The following GPR27 variants were observed in gnomAD, a reference collection of about 807,000 sequenced individuals.
GPR27 encodes G protein-coupled receptor 27, also known as probable G protein-coupled receptor 27.
A neutral mutation model predicts 2.4 loss-of-function variants in GPR27; 3 were observed. The observed-to-expected ratio is 1.23, with a 90% CI of 0.56 to 3.18. The LOEUF (loss-of-function observed/expected upper bound fraction) is 3.18. Ranked by LOEUF, GPR27 falls within the 30% of genes most tolerant of loss-of-function variation. The probability of loss-of-function intolerance (pLI) is 0.03; values close to 1 mark genes in which losing one functional copy is unlikely to be tolerated. For missense variants in GPR27, 526 were observed against 566.1 expected (o/e 0.93, Z 0.72); for synonymous variants, 367 against 296.4 (o/e 1.24, Z -2.45).
At position 71,754,973 on chromosome 3, in the gene GPR27, C is replaced by G; in HGVS notation, c.924C>G (p.Val308=). ...GPYVVASYLR[V]LVRPGAVPQA... ...ACGTCGTGGCCAGCTACCTGCGGGT[C>G]CTGGTGCGGCCCGGCGCCGTCCCCC... Residue 308 remains valine (V), a synonymous_variant, in exon 1 of 1, where the codon GTC becomes GTG. Coordinates refer to ENST00000304411, the MANE Select transcript of GPR27 (RefSeq NM_018971.3). The surrounding 1 kb of genome is among the most constrained non-coding windows in gnomAD (Gnocchi z 5.8). 6.2e-7 allele frequency: 1 copy of G among 1,613,360 alleles called. No homozygotes were observed. Among genetic ancestry groups the G allele is most frequent in the Non-Finnish European group, 8.5e-7 (1 of 1,179,880 alleles).
In GPR27 at chr3:71,754,616, G is replaced by A; in HGVS notation, c.567G>A (p.Leu189=). The A allele has an allele frequency of 6.9e-7, 1 of 1,455,502 alleles. No individual in the cohort carries two copies. 90.2% of individuals were successfully genotyped at this position (1,455,502 alleles called of 1,614,324 possible). A position where few individuals can be genotyped will look rare whatever the true frequency, so the allele number is the denominator to read the frequency against. The change falls in exon 1 of 1, where the codon CTG becomes CTA. Residue 189 remains leucine (L), a synonymous_variant. Transcript: ENST00000304411. The surrounding 1 kb of genome is among the most constrained non-coding windows in gnomAD (Gnocchi z 5.8). Reference sequence around the variant, plus strand: ...CCGGCGCGCTGGGCTTCCTGCTGCTGCTGGCCGTGGTGGTGGGCGCCACGC... The same window carrying A: ...CCGGCGCGCTGGGCTTCCTGCTGCTACTGGCCGTGGTGGTGGGCGCCACGC... The part of the protein sequence containing the change: ...GAPGALGFLL[L]LAVVVGATHL...
rs754617936 is a variant in GPR27 at position 71,754,656 on chromosome 3, C to T, written c.607C>T (p.Arg203Cys). ...VVGATHLVYL[R>C]LLFFIHDRRK... is the part of the protein sequence containing the mutation. ...GGGCGCCACGCACCTCGTCTACCTC[C>T]GCCTGCTCTTCTTCATCCACGACCG... is the stretch of plus-strand genomic sequence containing the variant. The change falls in exon 1 of 1, where the codon CGC becomes TGC. Residue 203 changes from arginine (R) to cysteine (C), a missense_variant. Physicochemically the swap from Arg to Cys is radical, Grantham distance 180. This residue lies in a region of GPR27 where 312 missense variants were observed against 318.4 expected (regional missense o/e 0.98). Transcript: ENST00000304411. The surrounding 1 kb of genome is among the most constrained non-coding windows in gnomAD (Gnocchi z 5.8). 5 of 1,502,128 alleles carry T rather than the reference C, an allele frequency of 3.3e-6. No individual in the cohort carries two copies. Among genetic ancestry groups the T allele is most frequent in the South Asian group, 1.2e-5 (1 of 82,716 alleles). 93.0% of individuals were successfully genotyped at this position (1,502,128 alleles called of 1,614,324 possible). A position where few individuals can be genotyped will look rare whatever the true frequency, so the allele number is the denominator to read the frequency against.
Position 71,754,604 on chromosome 3 carries a change from C to T in GPR27, c.555C>T (p.Gly185=), listed in dbSNP as rs1420752351. 9 of 1,444,200 alleles carry T rather than the reference C, an allele frequency of 6.2e-6. No individual in the cohort carries two copies. Among genetic ancestry groups the T allele is most frequent in the African/African-American group, 4.5e-5 (3 of 67,178 alleles). 89.5% of individuals were successfully genotyped at this position (1,444,200 alleles called of 1,614,324 possible). A position where few individuals can be genotyped will look rare whatever the true frequency, so the allele number is the denominator to read the frequency against. Residue 185 remains glycine, a synonymous_variant, in exon 1 of 1, where the codon GGC becomes GGT. Transcript: ENST00000304411. This position sits in a 1 kb window ranked among gnomAD's most constrained non-coding sequence, Gnocchi z 5.8. ...CCGACGGCGCCCCCGGCGCGCTGGG[C>T]TTCCTGCTGCTGCTGGCCGTGGTGG... ...QRPDGAPGAL[G]FLLLLAVVVG... is the part of the protein sequence containing the mutation.
chr3:71,754,181 GC>G lies in GPR27; in HGVS notation c.133del (p.Arg45GlyfsTer276). 6.9e-7 allele frequency: 1 copy of G among 1,442,640 alleles called. No individual in the cohort carries two copies. Among genetic ancestry groups the G allele is most frequent in the Non-Finnish European group, 9.2e-7 (1 of 1,086,656 alleles). 89.4% of individuals were successfully genotyped at this position (1,442,640 alleles called of 1,614,324 possible). A position where few individuals can be genotyped will look rare whatever the true frequency, so the allele number is the denominator to read the frequency against. On this transcript the variant is annotated frameshift_variant, in exon 1 of 1. Coordinates refer to ENST00000304411, the MANE Select transcript of GPR27 (RefSeq NM_018971.3). LOFTEE classifies it low-confidence loss of function (END_TRUNC). The surrounding 1 kb of genome is among the most constrained non-coding windows in gnomAD (Gnocchi z 5.8). ...ACGTGCTGTTCGCGCTGCTGATCGT[GC>G]GGGAGCGCAGCCTGCACCGCGCCCC... is the stretch of plus-strand genomic sequence containing the variant. ...GNVLFALLIV[R>X]ERSLHRAPYY...
rs2049985207 is a variant in GPR27 at position 71,754,831 on chromosome 3, C to T, written c.782C>T (p.Ala261Val). 6 of 1,568,944 alleles carry T rather than the reference C, an allele frequency of 3.8e-6. No homozygotes were observed. The highest frequency in any genetic ancestry group is 1.4e-5 in the African/African-American group (1 of 73,288). The change falls in exon 1 of 1, where the codon GCA becomes GTA. Residue 261 changes from alanine (A) to valine (V), a missense_variant. Physicochemically the swap from Ala to Val is moderately conservative, Grantham distance 64. Coordinates refer to ENST00000304411, the MANE Select transcript of GPR27 (RefSeq NM_018971.3). The surrounding 1 kb of genome is among the most constrained non-coding windows in gnomAD (Gnocchi z 5.8). ...TPPALVGIRP[A>V]GPGRGARRLL... ...CCCGCGCTTGTGGGCATCCGGCCCG[C>T]AGGGCCGGGCCGCGGCGCGCGCCGC...
At position 71,754,444 on chromosome 3, in the gene GPR27, A is replaced by G; in HGVS notation, c.395A>G (p.Glu132Gly). The G allele has an allele frequency of 7.4e-7, 1 of 1,344,296 alleles. No individual in the cohort carries two copies. The highest frequency in any genetic ancestry group is 9.6e-7 in the Non-Finnish European group (1 of 1,041,994). The allele number at this position is 1,344,296 out of a possible 1,614,324, so 83.3% of individuals were successfully genotyped here. ...LAIAHHRFYAERLAGWPCAAM... is the reference protein window; with the variant it reads ...LAIAHHRFYAGRLAGWPCAAM... ...ATCGCGCACCACCGCTTCTATGCAG[A>G]GCGCCTGGCCGGCTGGCCGTGCGCC... is the stretch of plus-strand genomic sequence containing the variant. Residue 132 changes from glutamate to glycine, a missense_variant, in exon 1 of 1, where the codon GAG (glutamate) becomes GGG (glycine). By Grantham distance (98) the Glu-to-Gly change is moderately conservative. Coordinates refer to ENST00000304411, the MANE Select transcript of GPR27 (RefSeq NM_018971.3). This position sits in a 1 kb window ranked among gnomAD's most constrained non-coding sequence, Gnocchi z 5.8.
At position 71,756,350 on chromosome 3, in the gene GPR27, G is replaced by A. The variant is rs1273048797; in HGVS notation, c.*1173G>A. On this transcript the variant is annotated 3_prime_UTR_variant, in exon 1 of 1. Transcript: ENST00000304411. ...ATATTTCTTTGTTAGACATTATAAT[G>A]TTAAACTGAAAGACTAAATTCTGCA... is the stretch of plus-strand genomic sequence containing the variant. 6.6e-6 allele frequency: 1 copy of A among 152,196 alleles called. No homozygotes were observed. The highest frequency in any genetic ancestry group is 1.5e-5 in the Non-Finnish European group (1 of 68,040). 9.4% of individuals were successfully genotyped at this position (152,196 alleles called of 1,614,324 possible). A position where few individuals can be genotyped will look rare whatever the true frequency, so the allele number is the denominator to read the frequency against.
In GPR27 at chr3:71,756,042, G is replaced by GA. The variant is rs1282517738; in HGVS notation, c.*867dup. On this transcript the variant is annotated 3_prime_UTR_variant, in exon 1 of 1. Transcript: ENST00000304411. Reference sequence around the variant, plus strand: ...GGTTCGAGGATTGGGAGGGCTCTGAGAAGCAGAGTACTACATCAAAATTGT... The same window carrying GA: ...GGTTCGAGGATTGGGAGGGCTCTGAGAAAGCAGAGTACTACATCAAAATTGT... The GA allele has an allele frequency of 1.3e-5, 2 of 152,220 alleles. No homozygotes were observed. The highest frequency in any genetic ancestry group is 4.8e-5 in the African/African-American group (2 of 41,454). 9.4% of individuals were successfully genotyped at this position (152,220 alleles called of 1,614,324 possible).
chr3:71,755,375 C>T lies in GPR27; in HGVS notation c.*198C>T, dbSNP rs377209199. ...GTAGGATGCTCAGCCCACTCCAGCT[C>T]CGCACATTCGTCCTCCTAACTCGAC... On this transcript the variant is annotated 3_prime_UTR_variant, in exon 1 of 1. Coordinates refer to ENST00000304411, the MANE Select transcript of GPR27 (RefSeq NM_018971.3). 1 of 579,424 alleles carries T rather than the reference C, an allele frequency of 1.7e-6. No homozygotes were observed. Among genetic ancestry groups the T allele is most frequent in the South Asian group, 2.3e-5 (1 of 44,102 alleles). The allele number at this position is 579,424 out of a possible 1,614,324, so 35.9% of individuals were successfully genotyped here. A position where few individuals can be genotyped will look rare whatever the true frequency, so the allele number is the denominator to read the frequency against.
In GPR27 at chr3:71,754,877, C is replaced by G. The variant is rs139136067; in HGVS notation, c.828C>G (p.Phe276Leu). The change falls in exon 1 of 1, where the codon TTC (phenylalanine) becomes TTG (leucine). Residue 276 changes from phenylalanine to leucine, a missense_variant. Transcript: ENST00000304411. The surrounding 1 kb of genome is among the most constrained non-coding windows in gnomAD (Gnocchi z 5.8). Reference sequence around the variant, plus strand: ...GCCGCCTCCTCGTGCTGGAAGAATTCAAGACGGAGAAGAGGCTGTGCAAGA... The same window carrying G: ...GCCGCCTCCTCGTGCTGGAAGAATTGAAGACGGAGAAGAGGCTGTGCAAGA... ...GARRLLVLEEFKTEKRLCKMF... is the reference protein window; with the variant it reads ...GARRLLVLEELKTEKRLCKMF... 1.1e-5 allele frequency: 17 copies of G among 1,500,430 alleles called. No individual in the cohort carries two copies. The highest frequency in any genetic ancestry group is 1.5e-5 in the Non-Finnish European group (17 of 1,105,730). 92.9% of individuals were successfully genotyped at this position (1,500,430 alleles called of 1,614,324 possible).
At position 71,754,164 on chromosome 3, in the gene GPR27, T is replaced by C. The variant is rs1412822223; in HGVS notation, c.115T>C (p.Phe39Leu). 2 of 1,455,740 alleles carry C rather than the reference T, an allele frequency of 1.4e-6. No individual in the cohort carries two copies. Among genetic ancestry groups the C allele is most frequent in the East Asian group, 3.0e-5 (1 of 33,318 alleles). The allele number at this position is 1,455,740 out of a possible 1,614,324, so 90.2% of individuals were successfully genotyped here. Reference sequence around the variant, plus strand: ...CGTGAGCCTAGCGGGCAACGTGCTGTTCGCGCTGCTGATCGTGCGGGAGCG... The same window carrying C: ...CGTGAGCCTAGCGGGCAACGTGCTGCTCGCGCTGCTGATCGTGCGGGAGCG... ...LCVSLAGNVL[F>L]ALLIVRERSL... Residue 39 changes from phenylalanine to leucine, a missense_variant, in exon 1 of 1, where the codon TTC (phenylalanine) becomes CTC (leucine). Phe to Leu is a conservative substitution (Grantham distance 22). Coordinates refer to ENST00000304411, the MANE Select transcript of GPR27 (RefSeq NM_018971.3). This position sits in a 1 kb window ranked among gnomAD's most constrained non-coding sequence, Gnocchi z 5.8.
chr3:71,755,308 C>T lies in GPR27; in HGVS notation c.*131C>T, dbSNP rs1299751937. On this transcript the variant is annotated 3_prime_UTR_variant, in exon 1 of 1. Coordinates refer to ENST00000304411, the MANE Select transcript of GPR27 (RefSeq NM_018971.3). ...CAAAATGACTCGAAGTGGACAGACA[C>T]TTGGATTGTACTGACTCCTTTGGGG... 2.4e-5 allele frequency: 19 copies of T among 785,764 alleles called. No individual in the cohort carries two copies. Among genetic ancestry groups the T allele is most frequent in the Middle Eastern group, 3.4e-4 (1 of 2,956 alleles). 48.7% of individuals were successfully genotyped at this position (785,764 alleles called of 1,614,324 possible).
At position 71,755,479 on chromosome 3, in the gene GPR27, C is replaced by G. The variant is rs1446156276; in HGVS notation, c.*302C>G. On this transcript the variant is annotated 3_prime_UTR_variant, in exon 1 of 1. Transcript: ENST00000304411. ...TATTCCATGTGTGGTTCCTTTTTTTCTTTTTCTATAAAGGCTGTACTAATT... is the reference window on the plus strand; with the variant it reads ...TATTCCATGTGTGGTTCCTTTTTTTGTTTTTCTATAAAGGCTGTACTAATT... 2.9e-6 allele frequency: 1 copy of G among 350,604 alleles called. No individual in the cohort carries two copies. Among genetic ancestry groups the G allele is most frequent in the Non-Finnish European group, 5.2e-6 (1 of 193,582 alleles). 21.7% of individuals were successfully genotyped at this position (350,604 alleles called of 1,614,324 possible). A position where few individuals can be genotyped will look rare whatever the true frequency, so the allele number is the denominator to read the frequency against.
rs2049973832 is a variant in GPR27, at chr3:71,754,189, G to A, written c.140G>A (p.Arg47His). Residue 47 changes from arginine to histidine, a missense_variant, in exon 1 of 1, where the codon CGC (arginine) becomes CAC (histidine). By Grantham distance (29) the Arg-to-His change is conservative. Transcript: ENST00000304411. The surrounding 1 kb of genome is among the most constrained non-coding windows in gnomAD (Gnocchi z 5.8). ...TTCGCGCTGCTGATCGTGCGGGAGC[G>A]CAGCCTGCACCGCGCCCCGTACTAC... ...VLFALLIVRERSLHRAPYYLL... is the reference protein window; with the variant it reads ...VLFALLIVREHSLHRAPYYLL... The A allele has an allele frequency of 1.4e-6, 2 of 1,433,172 alleles. No individual in the cohort carries two copies. Among genetic ancestry groups the A allele is most frequent in the Non-Finnish European group, 9.3e-7 (1 of 1,080,682 alleles). 88.8% of individuals were successfully genotyped at this position (1,433,172 alleles called of 1,614,324 possible).
chr3:71,754,098 GC>G lies in GPR27; in HGVS notation c.52del (p.Leu18TrpfsTer14). ...TGGCAGCGGCGGCGGCGAGGCGGCC[GC>G]CCTGGGCCTCAAGCTGGCCACGCTC... ...PGGSGGGEAA[A>X]LGLKLATLSL... On this transcript the variant is annotated frameshift_variant, in exon 1 of 1. Coordinates refer to ENST00000304411, the MANE Select transcript of GPR27 (RefSeq NM_018971.3). LOFTEE classifies it low-confidence loss of function (END_TRUNC). This position sits in a 1 kb window ranked among gnomAD's most constrained non-coding sequence, Gnocchi z 5.8. The G allele has an allele frequency of 7.3e-7, 1 of 1,374,890 alleles. No homozygotes were observed. The highest frequency in any genetic ancestry group is 9.5e-7 in the Non-Finnish European group (1 of 1,054,152). The allele number at this position is 1,374,890 out of a possible 1,614,324, so 85.2% of individuals were successfully genotyped here. A position where few individuals can be genotyped will look rare whatever the true frequency, so the allele number is the denominator to read the frequency against.
Position 71,754,020 on chromosome 3 carries a change from G to A in GPR27, c.-30G>A, listed in dbSNP as rs2049969377. The A allele has an allele frequency of 3.5e-6, 4 of 1,138,202 alleles. No individual in the cohort carries two copies. Among genetic ancestry groups the A allele is most frequent in the Non-Finnish European group, 4.3e-6 (4 of 927,432 alleles). 70.5% of individuals were successfully genotyped at this position (1,138,202 alleles called of 1,614,324 possible). A position where few individuals can be genotyped will look rare whatever the true frequency, so the allele number is the denominator to read the frequency against. Reference sequence around the variant, plus strand: ...AGCGGCGAGGCAGGGGACGGCCCCGGGGCGGAGCGCACGGCCTGGTGAGGC... The same window carrying A: ...AGCGGCGAGGCAGGGGACGGCCCCGAGGCGGAGCGCACGGCCTGGTGAGGC... On this transcript the variant is annotated 5_prime_UTR_variant, in exon 1 of 1. Coordinates refer to ENST00000304411, the MANE Select transcript of GPR27 (RefSeq NM_018971.3). The surrounding 1 kb of genome is among the most constrained non-coding windows in gnomAD (Gnocchi z 5.8).
Position 71,755,243 on chromosome 3 carries a change from C to A in GPR27, c.*66C>A. 1 of 1,259,378 alleles carries A rather than the reference C, an allele frequency of 7.9e-7. No individual in the cohort carries two copies. 78.0% of individuals were successfully genotyped at this position (1,259,378 alleles called of 1,614,324 possible). ...TTTGGCTCGGACGGTGACGTTGTAT[C>A]TTTTCCTTCTGGCCCCTGTTTAATT... On this transcript the variant is annotated 3_prime_UTR_variant, in exon 1 of 1. Coordinates refer to ENST00000304411, the MANE Select transcript of GPR27 (RefSeq NM_018971.3).
At position 71,755,894 on chromosome 3, in the gene GPR27, A is replaced by G. The variant is rs1182192222; in HGVS notation, c.*717A>G. On this transcript the variant is annotated 3_prime_UTR_variant, in exon 1 of 1. Transcript: ENST00000304411. ...CACGTCAGTGACAACTGCTCTCTGT[A>G]TTATAGCAATCTTGAATGGAAACAT... 1 of 152,242 alleles carries G rather than the reference A, an allele frequency of 6.6e-6. No homozygotes were observed. Among genetic ancestry groups the G allele is most frequent in the Non-Finnish European group, 1.5e-5 (1 of 68,052 alleles). The allele number at this position is 152,242 out of a possible 1,614,324, so 9.4% of individuals were successfully genotyped here.
At position 71,754,937 on chromosome 3, in the gene GPR27, C is replaced by T; in HGVS notation, c.888C>T (p.Leu296=). Residue 296 remains leucine (L), a synonymous_variant, in exon 1 of 1, where the codon CTC becomes CTT. Transcript: ENST00000304411. This position sits in a 1 kb window ranked among gnomAD's most constrained non-coding sequence, Gnocchi z 5.8. ...FYAVTLLFLL[L]WGPYVVASYL... is the part of the protein sequence containing the mutation. ...CCGTCACGCTGCTCTTCCTGCTCCT[C>T]TGGGGGCCCTACGTCGTGGCCAGCT... The T allele has an allele frequency of 2.5e-6, 4 of 1,613,666 alleles. No homozygotes were observed. Among genetic ancestry groups the T allele is most frequent in the Non-Finnish European group, 3.4e-6 (4 of 1,179,858 alleles).
Sources: gnomAD v4.1 joint callset for allele counts on GRCh38, gnomAD v4.1.1 for gene constraint, gnomAD v4.1.1 regional missense constraint, Gnocchi (gnomAD v3.1) non-coding constraint, MANE v1.5 for transcripts, NCBI Gene and HGNC (gene_info 2026-07-23, HGNC 2026-07-21) for gene names.